ARHGAP10: variants seen among roughly 807,000 people sequenced by gnomAD.
ARHGAP10 encodes the protein Rho GTPase activating protein 10, also known as rho GTPase-activating protein 10.
A neutral mutation model predicts 108.6 loss-of-function variants in ARHGAP10; 87 were observed. The observed-to-expected ratio is 0.80, with a 90% CI of 0.67 to 0.96. The LOEUF (loss-of-function observed/expected upper bound fraction) is 0.96, where lower values mean the gene tolerates loss of function less well. ARHGAP10 is among the 40% of genes least tolerant of loss of function. The probability of loss-of-function intolerance (pLI) is 0.00; values close to 1 mark genes in which losing one functional copy is unlikely to be tolerated. For synonymous variants in ARHGAP10, 347 were observed against 341.1 expected, an observed-to-expected ratio of 1.02 and a Z score of -0.19; for missense variants, 939 against 954.5, an observed-to-expected ratio of 0.98 and a Z score of 0.21.
chr4:148,027,501 C>T (rs1399392858), intron 19 of ARHGAP10, among the ~76,000 whole-genome samples: 1 of 152,106 alleles, frequency 6.6e-6, no homozygotes, highest in African/African-American at 2.4e-5. Flanking sequence ...GGATACAGAG[C>T]CTTCTCAGCA....
chr4:148,043,615 A>G (rs1454599396), intron 19 of ARHGAP10, among the ~76,000 whole-genome samples: 1 of 15,464 alleles, frequency 6.5e-5, no homozygotes, highest in Non-Finnish European at 9.6e-5. Context: ...CCTCTCTCTA[A>G]TATATATATA....
At chr4:147,947,948 T>TA (rs1738450201) in intron 15 of ARHGAP10, among the ~76,000 whole-genome samples, 1 of 151,160 alleles carries the variant, frequency 6.6e-6, no homozygotes, top group African/African-American at 2.4e-5. Flanking sequence ...CCACTGTTTT[T>TA]TTTTTTTTTT....
chr4:147,899,328 C>CGTGTGT (rs376331684), intron 10 of ARHGAP10, among the ~76,000 whole-genome samples: 2 of 150,222 alleles, frequency 1.3e-5, no homozygotes, highest in South Asian at 2.1e-4. Flanking sequence ...TGTGTGCATG[C>CGTGTGT]GTGTGTGTGT....
intron 15 of ARHGAP10, among the ~76,000 whole-genome samples, chr4:147,948,804 G>GA (rs561065780): frequency 1.3e-3 from 191 of 142,568 alleles, no homozygotes; most frequent in African/African-American, 2.1e-3. Context: ...AAAAATACAA[G>GA]AAAAAAAAAA....
At position 147,913,208 on chromosome 4, in the gene ARHGAP10, ACTT is replaced by A. The variant is rs1215549252; in HGVS notation, c.1228+73_1228+75del. 5 of 1,402,976 alleles carry A rather than the reference ACTT, an allele frequency of 3.6e-6. No individual in the cohort carries two copies. In the Admixed American group the frequency reaches 6.8e-5, roughly 19 times the overall value. 86.9% of individuals were successfully genotyped at this position (1,402,976 alleles called of 1,614,324 possible). A position where few individuals can be genotyped will look rare whatever the true frequency, so the allele number is the denominator to read the frequency against. On this transcript the variant is annotated intron_variant, in intron 13 of 22. Transcript: ENST00000336498. Reference sequence around the variant, plus strand: ...GTAAAATCTAAAAGTCATTAAAAATACTTCTTGCTTTTAAGTGTTACAGAATGA... The same window carrying A: ...GTAAAATCTAAAAGTCATTAAAAATACTTGCTTTTAAGTGTTACAGAATGA...
intron 1 of ARHGAP10, among the ~76,000 whole-genome samples, chr4:147,744,645 T>TG (rs1351214821): frequency 6.6e-6 from 1 of 151,054 alleles, no homozygotes; most frequent in African/African-American, 2.4e-5. Flanking sequence ...TGATTGGGTG[T>TG]GGGGGCTGCC....
chr4:147,844,025 A>G (rs1360891594), intron 3 of ARHGAP10, among the ~76,000 whole-genome samples: 1 of 152,120 alleles, frequency 6.6e-6, no homozygotes, highest in Non-Finnish European at 1.5e-5. Flanking sequence ...TGTCTCTTCT[A>G]GGCTGTGGAC....
At chr4:147,839,741 G>C (rs548743527) in intron 3 of ARHGAP10, among the ~76,000 whole-genome samples, 1 of 152,136 alleles carries the variant, frequency 6.6e-6, no homozygotes, top group Non-Finnish European at 1.5e-5. Flanking sequence ...CTGCAGGTTG[G>C]TTGTTATTCT....
chr4:147,981,713 T>A (rs1739814016), intron 18 of ARHGAP10, among the ~76,000 whole-genome samples: 1 of 152,220 alleles, frequency 6.6e-6, no homozygotes, highest in Admixed American at 6.5e-5. Context: ...CTAGAAGTAA[T>A]TGTTTTATAA....
intron 1 of ARHGAP10, among the ~76,000 whole-genome samples, chr4:147,775,073 C>A (rs1406765702): frequency 6.6e-6 from 1 of 152,128 alleles, no homozygotes; most frequent in African/African-American, 2.4e-5. Flanking sequence ...CGCCACCACG[C>A]CTGGCTAATT....
intron 1 of ARHGAP10, among the ~76,000 whole-genome samples, chr4:147,762,522 T>A (rs59659659): frequency 9.5e-6 from 1 of 105,102 alleles, no homozygotes; most frequent in Non-Finnish European, 1.9e-5. Context: ...TTATTTATTT[T>A]TATTTATTTA....
intron 20 of ARHGAP10, 142 bp from the exon 21 acceptor site, chr4:148,063,006 A>C (rs1315302391): frequency 2.0e-6 from 2 of 1,022,354 alleles, no homozygotes; most frequent in African/African-American, 3.2e-5. Flanking sequence ...CAGCCCCGGC[A>C]GGATGCAGAG....
chr4:148,041,108 T>G (rs536869910), intron 19 of ARHGAP10, among the ~76,000 whole-genome samples: 1 of 152,336 alleles, frequency 6.6e-6, no homozygotes, highest in Non-Finnish European at 1.5e-5. Flanking sequence ...ATTCAACTAA[T>G]ATATTAGATC....
At chr4:148,031,312 A>T (rs1728139702) in intron 19 of ARHGAP10, among the ~76,000 whole-genome samples, 1 of 152,228 alleles carries the variant, frequency 6.6e-6, no homozygotes, top group African/African-American at 2.4e-5. Flanking sequence ...AACTTTGAAC[A>T]GTTATGTATT....
At chr4:147,821,129 A>G (rs1732481792) in intron 1 of ARHGAP10, among the ~76,000 whole-genome samples, 1 of 152,112 alleles carries the variant, frequency 6.6e-6, no homozygotes, top group African/African-American at 2.4e-5. Context: ...GTCATTCATC[A>G]GTGAGCCGGC....
intron 1 of ARHGAP10, among the ~76,000 whole-genome samples, chr4:147,799,903 C>CT (rs979582659): frequency 1.1e-4 from 16 of 151,856 alleles, no homozygotes; most frequent in Non-Finnish European, 1.9e-4. Flanking sequence ...TTTTGCCTAT[C>CT]TTTTTTTTGG....
At chr4:147,764,598 ATC>A (rs1729719286) in intron 1 of ARHGAP10, among the ~76,000 whole-genome samples, 1 of 152,086 alleles carries the variant, frequency 6.6e-6, no homozygotes, top group South Asian at 2.1e-4. Flanking sequence ...CAGTGGCGTG[ATC>A]TCAACTCCCT....
At chr4:147,945,246 G>T (rs1738326130) in intron 14 of ARHGAP10, among the ~76,000 whole-genome samples, 1 of 151,674 alleles carries the variant, frequency 6.6e-6, no homozygotes, top group African/African-American at 2.4e-5. Flanking sequence ...ATTTCTACCA[G>T]AATTGACACT....
At chr4:147,935,554 A>G (rs919414798) in intron 13 of ARHGAP10, among the ~76,000 whole-genome samples, 1 of 152,228 alleles carries the variant, frequency 6.6e-6, no homozygotes, top group Non-Finnish European at 1.5e-5. Flanking sequence ...TTGATCAGAA[A>G]TAGTGATCCC....
Sources: allele counts gnomAD v4.1 joint callset (sites outside exome capture counted in the v4.1 genomes callset), GRCh38; gene constraint gnomAD v4.1.1; transcripts MANE v1.5; gene names NCBI Gene and HGNC (gene_info 2026-07-23, HGNC 2026-07-21).